PDE1C: variants seen among roughly 807,000 people sequenced by gnomAD.
PDE1C encodes the protein dual specificity calcium/calmodulin-dependent 3',5'-cyclic nucleotide phosphodiesterase 1C.
A neutral mutation model predicts 93.1 loss-of-function variants in PDE1C; 62 were observed. The observed-to-expected ratio is 0.67, with a 90% CI of 0.54 to 0.82. The LOEUF is 0.82. Ranked by LOEUF, PDE1C falls within the 40% of genes least tolerant of loss-of-function variation. The probability of loss-of-function intolerance (pLI) is 0.00; values close to 1 mark genes in which losing one functional copy is unlikely to be tolerated. For synonymous variants in PDE1C, 325 were observed against 310.1 expected (o/e 1.05, Z -0.50); for missense variants, 742 against 884.6 (o/e 0.84, Z 2.04).
intron 1 of PDE1C, among the ~76,000 whole-genome samples, chr7:32,421,579 A>T (rs763405721): frequency 6.6e-6 from 1 of 152,232 alleles, no homozygotes; most frequent in African/African-American, 2.4e-5. Flanking sequence ...GAAGTATGGG[A>T]GCCAATGATC....
At chr7:32,128,949 AT>A (rs1799757701) in intron 3 of PDE1C, among the ~76,000 whole-genome samples, 6 of 104,856 alleles carry the variant, frequency 5.7e-5, no homozygotes, top group Non-Finnish European at 9.5e-5. Context: ...ATATATATAT[AT>A]ATAAAGAAAA....
intron 2 of PDE1C, among the ~76,000 whole-genome samples, chr7:32,208,540 ATT>A (rs1160826557): frequency 1.3e-5 from 2 of 152,064 alleles, no homozygotes; most frequent in African/African-American, 4.8e-5. Context: ...AATTTTGAAC[ATT>A]TTCCAGGTGC....
intron 3 of PDE1C, among the ~76,000 whole-genome samples, chr7:32,119,395 G>A (rs1010540212): frequency 6.6e-6 from 1 of 152,172 alleles, no homozygotes; most frequent in Non-Finnish European, 1.5e-5. Flanking sequence ...AGCTTCATGG[G>A]AAATGTCCTA....
chr7:32,203,233 CTTT>C (rs1371019844), intron 2 of PDE1C, among the ~76,000 whole-genome samples: 1 of 151,996 alleles, frequency 6.6e-6, no homozygotes, highest in Admixed American at 6.6e-5. Flanking sequence ...TCTTCTTCTT[CTTT>C]TTGTCTTCAT....
intron 2 of PDE1C, among the ~76,000 whole-genome samples, chr7:32,174,474 C>T (rs1352605150): frequency 6.6e-6 from 1 of 151,890 alleles, no homozygotes; most frequent in Non-Finnish European, 1.5e-5. Context: ...GAGAACATGA[C>T]ATCGGATATG....
At chr7:32,103,084 T>A (rs1359988600) in intron 3 of PDE1C, among the ~76,000 whole-genome samples, 1 of 152,170 alleles carries the variant, frequency 6.6e-6, no homozygotes, top group Non-Finnish European at 1.5e-5. Flanking sequence ...GGTTGTCAGT[T>A]AAATAACATC....
chr7:31,679,340 A>C, the PDE1C span, among the ~76,000 whole-genome samples: 19 of 152,340 alleles, frequency 1.2e-4, no homozygotes, highest in African/African-American at 3.8e-4. Context: ...AATTTTCTTG[A>C]AATCAAGTGC....
chr7:32,030,406 A>G (rs1316229113), intron 2 of PDE1C, among the ~76,000 whole-genome samples: 1 of 152,118 alleles, frequency 6.6e-6, no homozygotes, highest in Non-Finnish European at 1.5e-5. Context: ...GTCTATGAAT[A>G]TATTTGAACA....
intron 16 of PDE1C, among the ~76,000 whole-genome samples, chr7:31,798,439 T>C (rs1584139964): frequency 6.6e-6 from 1 of 151,698 alleles, no homozygotes; most frequent in Non-Finnish European, 1.5e-5. Context: ...AAGAACAAAA[T>C]GATGAATGGC....
intron 1 of PDE1C, among the ~76,000 whole-genome samples, chr7:32,391,493 C>T (rs1384852018): frequency 1.3e-5 from 2 of 152,124 alleles, no homozygotes; most frequent in Non-Finnish European, 2.9e-5. Flanking sequence ...CATCATCAAA[C>T]AATTTAAGAC....
At chr7:32,240,452 C>T (rs1808461885) in intron 1 of PDE1C, among the ~76,000 whole-genome samples, 1 of 152,072 alleles carries the variant, frequency 6.6e-6, no homozygotes, top group East Asian at 1.9e-4. Flanking sequence ...TTTAATATGT[C>T]AGATGGTGTT....
At chr7:32,313,760 G>A (rs1783108017) in intron 1 of PDE1C, among the ~76,000 whole-genome samples, 1 of 145,620 alleles carries the variant, frequency 6.9e-6, no homozygotes, top group South Asian at 2.4e-4. Context: ...TCATGAGGTG[G>A]GGGGGAGGGG....
At chr7:32,009,548 T>G (rs1229292624) in intron 2 of PDE1C, among the ~76,000 whole-genome samples, 1 of 152,202 alleles carries the variant, frequency 6.6e-6, no homozygotes, top group African/African-American at 2.4e-5. Context: ...CTTGTACTTT[T>G]CAGAGAAAAG....
intron 12 of PDE1C, among the ~76,000 whole-genome samples, chr7:31,825,666 A>G (rs1291413582): frequency 6.6e-6 from 1 of 152,126 alleles, no homozygotes; most frequent in Non-Finnish European, 1.5e-5. Flanking sequence ...TGAGAAAATC[A>G]TTTAGAAGCT....
At chr7:31,961,040 T>C (rs942012480) in intron 2 of PDE1C, among the ~76,000 whole-genome samples, 18 of 152,130 alleles carry the variant, frequency 1.2e-4, no homozygotes, top group Admixed American at 1.1e-3. Context: ...AAAGAAATAG[T>C]AAAGAAAGTG....
At chr7:31,745,185 G>A in the PDE1C span, among the ~76,000 whole-genome samples, 5 of 152,072 alleles carry the variant, frequency 3.3e-5, no homozygotes, top group Non-Finnish European at 5.9e-5. Context: ...ATTGCCTGGC[G>A]CTCTGTGTCG....
intron 8 of PDE1C, among the ~76,000 whole-genome samples, chr7:31,849,978 A>G (rs1481640881): frequency 6.6e-6 from 1 of 152,092 alleles, no homozygotes; most frequent in Non-Finnish European, 1.5e-5. Flanking sequence ...AAATCAACTA[A>G]CAGTATCTGT....
intron 2 of PDE1C, among the ~76,000 whole-genome samples, chr7:32,182,844 A>G (rs1803539499): frequency 6.6e-6 from 1 of 152,166 alleles, no homozygotes; most frequent in Admixed American, 6.5e-5. Context: ...CAATTAGGAA[A>G]AGAGGAAGTC....
intron 2 of PDE1C, among the ~76,000 whole-genome samples, chr7:31,972,660 G>C (rs1811113426): frequency 6.6e-6 from 1 of 152,100 alleles, no homozygotes; most frequent in African/African-American, 2.4e-5. Context: ...ACAATCATAA[G>C]AACATTCTGA....
Sources: allele counts gnomAD v4.1 joint callset (sites outside exome capture counted in the v4.1 genomes callset), GRCh38; gene constraint gnomAD v4.1.1; transcripts MANE v1.5; gene names NCBI Gene and HGNC (gene_info 2026-07-23, HGNC 2026-07-21).